Variants in NME3 observed in about 807,000 individuals in gnomAD.
The protein encoded by NME3 is NME/NM23 nucleoside diphosphate kinase 3.
A neutral mutation model predicts 15.8 loss-of-function variants in NME3; 23 were observed. The ratio of observed to expected loss-of-function variants is 1.45; its 90% CI spans 1.05 to 2.06. The LOEUF (loss-of-function observed/expected upper bound fraction) is 2.06. NME3 is among the 30% of genes most tolerant of loss of function. The pLI is 0.00. For missense variants in NME3, 354 were observed against 243.2 expected, an observed-to-expected ratio of 1.46 and a Z score of -3.03; for synonymous variants, 157 against 104.4, an observed-to-expected ratio of 1.50 and a Z score of -3.07.
chr16:1,771,124 G>A lies in NME3; in HGVS notation c.225C>T (p.Arg75=), dbSNP rs1311340674. Residue 75 remains arginine, a synonymous_variant, in exon 3 of 5, where the codon CGC becomes CGT. Transcript: ENST00000219302. ...LREHYAELRE[R]PFYGRLVKYM... ...ACTTGACAAGGCGGCCGTAGAACGG[G>A]CGTTCACGCAGCTCGGCGTAGTGCT... 6.2e-7 allele frequency: 1 copy of A among 1,609,482 alleles called. No homozygotes were observed. Among genetic ancestry groups the A allele is most frequent in the Non-Finnish European group, 8.5e-7 (1 of 1,179,210 alleles).
In NME3 at chr16:1,770,654, C is replaced by T. The variant is rs767682683; in HGVS notation, c.505G>A (p.Glu169Lys). 7.6e-6 allele frequency: 12 copies of T among 1,578,766 alleles called. No individual in the cohort carries two copies. Among genetic ancestry groups the T allele is most frequent in the South Asian group, 5.7e-5 (5 of 87,412 alleles). The stretch of plus-strand genomic sequence containing the variant: ...TGTGACGCGCATCTGCCGGGCTACT[C>T]ATACAGCCAGTGCCCAGCGCTGTCC... ...WEDSAGHWLY[E>K] The change falls in exon 5 of 5, where the codon GAG becomes AAG. Residue 169 changes from glutamate to lysine, a missense_variant. Transcript: ENST00000219302.
At chr16:1,771,231 G>GCC in intron 2 of NME3, 49 bp downstream of exon 2, 1 of 1,435,176 alleles carries the variant, frequency 7.0e-7, no homozygotes, top group South Asian at 1.2e-5. Flanking sequence ...CCAGGTCCCC[G>GCC]CTCCCCTTCC....
chr16:1,771,506 G>A lies in NME3; in HGVS notation c.29C>T (p.Ala10Val), dbSNP rs1391286075. 2.9e-5 allele frequency: 37 copies of A among 1,298,144 alleles called. No individual in the cohort carries two copies. Among genetic ancestry groups the A allele is most frequent in the Admixed American group, 4.2e-5 (1 of 24,010 alleles). The allele number at this position is 1,298,144 out of a possible 1,614,324, so 80.4% of individuals were successfully genotyped here. A position where few individuals can be genotyped will look rare whatever the true frequency, so the allele number is the denominator to read the frequency against. ...CGGCTCACCCGCGGGGAAGAGGTTA[G>A]CGAAGATGGTCAGCACCAGGCAGAT... MICLVLTIF[A>V]NLFPAACTGA... The change falls in exon 1 of 5, where the codon GCT becomes GTT. Residue 10 changes from alanine to valine, a missense_variant. Ala to Val is a moderately conservative substitution (Grantham distance 64). Transcript: ENST00000219302.
Position 1,770,701 on chromosome 16 carries a change from G to C in NME3, c.458C>G (p.Ala153Gly), listed in dbSNP as rs145911685. Reference protein sequence around the residue: ...ARREIALWFRADELLCWEDSA... With the variant: ...ARREIALWFRGDELLCWEDSA... Reference sequence around the variant, plus strand: ...GTCCTCCCAGCAGAGGAGCTCGTCTGCGCGGAACCAGAGAGCGATCTCGCG... The same window carrying C: ...GTCCTCCCAGCAGAGGAGCTCGTCTCCGCGGAACCAGAGAGCGATCTCGCG... The change falls in exon 5 of 5, where the codon GCA becomes GGA. Residue 153 changes from alanine to glycine, a missense_variant. By Grantham distance (60) the Ala-to-Gly change is moderately conservative. Transcript: ENST00000219302. 6.3e-7 allele frequency: 1 copy of C among 1,586,822 alleles called. No individual in the cohort carries two copies. Among genetic ancestry groups the C allele is most frequent in the Non-Finnish European group, 8.6e-7 (1 of 1,167,626 alleles).
rs1271749639 is a variant in NME3 at position 1,771,317 on chromosome 16, C to T, written c.140G>A (p.Arg47Lys). Reference sequence around the variant, plus strand: ...CAGCGCCACCAACTTGAAGCCCTTCCTCTCGAAGCGCCGCACAATCTCGCC... The same window carrying T: ...CAGCGCCACCAACTTGAAGCCCTTCTTCTCGAAGCGCCGCACAATCTCGCC... ...LVGEIVRRFE[R>K]KGFKLVALKL... is the part of the protein sequence containing the mutation. The change falls in exon 2 of 5, where the codon AGG becomes AAG. Residue 47 changes from arginine to lysine, a missense_variant. By Grantham distance (26) the Arg-to-Lys change is conservative. Transcript: ENST00000219302. The T allele has an allele frequency of 1.2e-6, 2 of 1,605,652 alleles. No individual in the cohort carries two copies. The highest frequency in any genetic ancestry group is 1.7e-6 in the Non-Finnish European group (2 of 1,177,520).
chr16:1,770,492 G>A lies in NME3; in HGVS notation c.*157C>T, dbSNP rs2042556226. ...ACCCTGTACGCCAGGGATTGGAGAG[G>A]CCTGCGCCACCCTCCATGCAACGTC... On this transcript the variant is annotated 3_prime_UTR_variant, in exon 5 of 5. Transcript: ENST00000219302. The A allele has an allele frequency of 8.5e-6, 5 of 590,368 alleles. No homozygotes were observed. The highest frequency in any genetic ancestry group is 1.2e-5 in the Non-Finnish European group (4 of 347,442). 36.6% of individuals were successfully genotyped at this position (590,368 alleles called of 1,614,324 possible). A position where few individuals can be genotyped will look rare whatever the true frequency, so the allele number is the denominator to read the frequency against.
chr16:1,770,882 T>C lies in NME3; in HGVS notation c.391A>G (p.Lys131Glu). ...IRGDFCIEVG[K>E]NLIHGSDSVE... Reference sequence around the variant, plus strand: ...GACCGTCCCCGGGGCGGGCCTTACTTGCCAACCTCGATGCAGAAATCCCCG... The same window carrying C: ...GACCGTCCCCGGGGCGGGCCTTACTCGCCAACCTCGATGCAGAAATCCCCG... The change falls in exon 4 of 5, where the codon AAG (lysine) becomes GAG (glutamate). Residue 131 changes from lysine (K) to glutamate (E), a missense_variant and splice_region_variant. Lys to Glu is a moderately conservative substitution (Grantham distance 56, BLOSUM62 1). Coordinates refer to ENST00000219302, the MANE Select transcript of NME3 (RefSeq NM_002513.3). 1 of 1,572,410 alleles carries C rather than the reference T, an allele frequency of 6.4e-7. No individual in the cohort carries two copies. Among genetic ancestry groups the C allele is most frequent in the South Asian group, 1.2e-5 (1 of 86,656 alleles).
Position 1,771,291 on chromosome 16 carries a change from T to G in NME3, c.166A>C (p.Lys56Gln). 3 of 1,604,794 alleles carry G rather than the reference T, an allele frequency of 1.9e-6. No homozygotes were observed. The highest frequency in any genetic ancestry group is 2.5e-6 in the Non-Finnish European group (3 of 1,177,684). Residue 56 changes from lysine to glutamine, a missense_variant, in exon 2 of 5, where the codon AAG (lysine) becomes CAG (glutamine). Transcript: ENST00000219302. ...ERKGFKLVAL[K>Q]LVQASEELLR... is the part of the protein sequence containing the mutation. ...CACCGCGCCCCCACCTGCACCAGCTTCAGCGCCACCAACTTGAAGCCCTTC... is the reference window on the plus strand; with the variant it reads ...CACCGCGCCCCCACCTGCACCAGCTGCAGCGCCACCAACTTGAAGCCCTTC...
Position 1,771,115 on chromosome 16 carries a change from G to T in NME3, c.234C>A (p.Tyr78Ter). ...HYAELRERPF[Y>*]GRLVKYMASG... ...AGGCCATATACTTGACAAGGCGGCC[G>T]TAGAACGGGCGTTCACGCAGCTCGG... Residue 78 changes from tyrosine (Y) to a stop codon, truncating the protein, a stop_gained, in exon 3 of 5, where the codon TAC becomes TAA. Coordinates refer to ENST00000219302, the MANE Select transcript of NME3 (RefSeq NM_002513.3). LOFTEE classifies it high-confidence loss of function. The T allele has an allele frequency of 6.2e-7, 1 of 1,609,776 alleles. No individual in the cohort carries two copies. The highest frequency in any genetic ancestry group is 8.5e-7 in the Non-Finnish European group (1 of 1,179,170).
At position 1,770,442 on chromosome 16, in the gene NME3, C is replaced by A. The variant is rs1005859996; in HGVS notation, c.*207G>T. On this transcript the variant is annotated 3_prime_UTR_variant, in exon 5 of 5. Coordinates refer to ENST00000219302, the MANE Select transcript of NME3 (RefSeq NM_002513.3). ...CGTTTCCAGGCGAGCCGCGCAGGCTCCTGGAGCAGCTCCTCGGGCAGGAAA... is the reference window on the plus strand; with the variant it reads ...CGTTTCCAGGCGAGCCGCGCAGGCTACTGGAGCAGCTCCTCGGGCAGGAAA... 1.7e-5 allele frequency: 8 copies of A among 470,602 alleles called. No homozygotes were observed. The Admixed American group carries it at 2.7e-4, about 16-fold the overall frequency. The allele number at this position is 470,602 out of a possible 1,614,324, so 29.2% of individuals were successfully genotyped here.
rs1236326649 is a variant in NME3, at chr16:1,770,922, C to CG, written c.350dup (p.Pro118AlafsTer52). The CG allele has an allele frequency of 6.3e-7, 1 of 1,587,672 alleles. No homozygotes were observed. The highest frequency in any genetic ancestry group is 1.3e-5 in the African/African-American group (1 of 74,492). On this transcript the variant is annotated frameshift_variant, in exon 4 of 5. Coordinates refer to ENST00000219302, the MANE Select transcript of NME3 (RefSeq NM_002513.3). LOFTEE classifies it low-confidence loss of function (END_TRUNC). ...AGAAATCCCCGCGGATGGTGCCGGG[C>CG]GGGGCGTCGGCCGGGTTCGTGGCTC... is the stretch of plus-strand genomic sequence containing the variant.
rs980602354 is a variant in NME3, at chr16:1,770,508, A to C, written c.*141T>G. On this transcript the variant is annotated 3_prime_UTR_variant, in exon 5 of 5. Transcript: ENST00000219302. ...ATTGGAGAGGCCTGCGCCACCCTCC[A>C]TGCAACGTCCAGACAGGTGGATGTT... 1.6e-6 allele frequency: 1 copy of C among 637,118 alleles called. No individual in the cohort carries two copies. Among genetic ancestry groups the C allele is most frequent in the African/African-American group, 1.9e-5 (1 of 53,434 alleles). 39.5% of individuals were successfully genotyped at this position (637,118 alleles called of 1,614,324 possible). A position where few individuals can be genotyped will look rare whatever the true frequency, so the allele number is the denominator to read the frequency against.
At position 1,770,679 on chromosome 16, in the gene NME3, C is replaced by T; in HGVS notation, c.480G>A (p.Glu160=). 1.3e-6 allele frequency: 2 copies of T among 1,584,830 alleles called. No homozygotes were observed. Among genetic ancestry groups the T allele is most frequent in the South Asian group, 1.1e-5 (1 of 87,598 alleles). ...WFRADELLCW[E]DSAGHWLYE is the part of the protein sequence containing the mutation. ...CATACAGCCAGTGCCCAGCGCTGTC[C>T]TCCCAGCAGAGGAGCTCGTCTGCGC... Residue 160 remains glutamate, a synonymous_variant, in exon 5 of 5, where the codon GAG becomes GAA. Coordinates refer to ENST00000219302, the MANE Select transcript of NME3 (RefSeq NM_002513.3).
intron 4 of NME3, 27 bp downstream of exon 4, chr16:1,770,854 T>G (rs1245479629): frequency 6.4e-7 from 1 of 1,568,834 alleles, no homozygotes; most frequent in South Asian, 1.2e-5. Context: ...CGGACGGGGC[T>G]GGGACCGTCC....
chr16:1,771,283 C>A lies in NME3; in HGVS notation c.174G>T (p.Val58=). The A allele has an allele frequency of 6.2e-7, 1 of 1,602,998 alleles. No individual in the cohort carries two copies. The highest frequency in any genetic ancestry group is 8.5e-7 in the Non-Finnish European group (1 of 1,177,290). ...KGFKLVALKL[V]QASEELLREH... ...CGCTCGCTCACCGCGCCCCCACCTG[C>A]ACCAGCTTCAGCGCCACCAACTTGA... is the stretch of plus-strand genomic sequence containing the variant. Residue 58 remains valine, a synonymous_variant, in exon 2 of 5, where the codon GTG becomes GTT. Transcript: ENST00000219302.
chr16:1,770,517 C>T lies in NME3; in HGVS notation c.*132G>A, dbSNP rs2042557588. The stretch of plus-strand genomic sequence containing the variant: ...GCCTGCGCCACCCTCCATGCAACGT[C>T]CAGACAGGTGGATGTTCAGCAGCCC... On this transcript the variant is annotated 3_prime_UTR_variant, in exon 5 of 5. Transcript: ENST00000219302. 2 of 683,452 alleles carry T rather than the reference C, an allele frequency of 2.9e-6. No homozygotes were observed. The highest frequency in any genetic ancestry group is 4.7e-6 in the Non-Finnish European group (2 of 421,562). The allele number at this position is 683,452 out of a possible 1,614,324, so 42.3% of individuals were successfully genotyped here. A position where few individuals can be genotyped will look rare whatever the true frequency, so the allele number is the denominator to read the frequency against.
Position 1,771,368 on chromosome 16 carries a change from G to GC in NME3, c.88_89insG (p.Pro30ArgfsTer38), listed in dbSNP as rs1474215632. On this transcript the variant is annotated frameshift_variant, in exon 2 of 5. Coordinates refer to ENST00000219302, the MANE Select transcript of NME3 (RefSeq NM_002513.3). LOFTEE classifies it high-confidence loss of function. ...CACCAGCCGCCGCTGCACGCCGTCC[G>GC]GCTTCACGGCCAGGAAGGTGCGTTC... 6.3e-7 allele frequency: 1 copy of GC among 1,576,588 alleles called. No homozygotes were observed. The highest frequency in any genetic ancestry group is 1.4e-5 in the African/African-American group (1 of 73,842).
intron 2 of NME3, 54 bp downstream of exon 2, chr16:1,771,226 T>G: frequency 1.3e-6 from 2 of 1,558,370 alleles, no homozygotes; most frequent in Non-Finnish European, 1.7e-6. Flanking sequence ...CGTCCCCAGG[T>G]CCCCGCTCCC....
Position 1,771,409 on chromosome 16 carries a change from G to C in NME3, c.48C>G (p.Ala16=), listed in dbSNP as rs199565800. 6.5e-7 allele frequency: 1 copy of C among 1,539,676 alleles called. No individual in the cohort carries two copies. Among genetic ancestry groups the C allele is most frequent in the Non-Finnish European group, 8.7e-7 (1 of 1,144,180 alleles). ...LTIFANLFPA[A]CTGAHERTFL... ...AGGTGCGTTCGTGTGCGCCGGTGCA[G>C]GCTGCGGGGCAGGCGGGGACGGGCC... The change falls in exon 2 of 5, where the codon GCC becomes GCG. Residue 16 remains alanine, a splice_region_variant and synonymous_variant. Transcript: ENST00000219302.
Sources: allele counts gnomAD v4.1 joint callset, GRCh38; gene constraint gnomAD v4.1.1; transcripts MANE v1.5; gene names NCBI Gene and HGNC (gene_info 2026-07-23, HGNC 2026-07-21).